TRIO: variants seen among roughly 807,000 people sequenced by gnomAD.
TRIO encodes the protein trio Rho guanine nucleotide exchange factor, also known as triple functional domain protein.
TRIO carries 58 observed loss-of-function variants against 351.9 expected under a neutral mutation model. That is an observed-to-expected ratio of 0.16 (90% confidence interval 0.13 to 0.21). TRIO has a LOEUF of 0.21. Ranked by LOEUF, TRIO falls within the 10% of genes least tolerant of loss-of-function variation. The pLI, the probability that TRIO is intolerant of heterozygous loss-of-function variation, is 1.00. For synonymous variants in TRIO, 1,758 were observed against 1,595.7 expected, an observed-to-expected ratio of 1.10 and a Z score of -2.42; for missense variants, 3,201 against 4,027.8, an observed-to-expected ratio of 0.79 and a Z score of 5.56.
intron 1 of TRIO, among the ~76,000 whole-genome samples, chr5:14,154,453 C>A (rs1787993599): frequency 6.6e-6 from 1 of 152,056 alleles, no homozygotes. Flanking sequence ...TGTAGCCACT[C>A]ATTTTTTTGC....
At chr5:14,457,260 A>G (rs1438071866) in intron 34 of TRIO, among the ~76,000 whole-genome samples, 2 of 152,036 alleles carry the variant, frequency 1.3e-5, no homozygotes, top group African/African-American at 2.4e-5. Context: ...CCGTCATTCA[A>G]TAAGTAGGAA....
intron 9 of TRIO, among the ~76,000 whole-genome samples, chr5:14,327,967 G>A (rs16903399): frequency 0.029 from 4,420 of 152,304 alleles, 230 homozygotes; most frequent in African/African-American, 0.1. Flanking sequence ...TCGAAATCAG[G>A]TGGTGAATGT....
Position 14,143,551 on chromosome 5 carries a change from C to A in TRIO, c.-175C>A, listed in dbSNP as rs1379920334. ...GGCGGAGTCCTCGTCTATGTGGGCGCGCTCCTTGGGCCGAGCCGCCGCCGC... is the reference window on the plus strand; with the variant it reads ...GGCGGAGTCCTCGTCTATGTGGGCGAGCTCCTTGGGCCGAGCCGCCGCCGC... On this transcript the variant is annotated 5_prime_UTR_variant, in exon 1 of 57. Coordinates refer to ENST00000344204, the MANE Select transcript of TRIO (RefSeq NM_007118.4). Among the ~76,000 whole-genome samples, 1 of 146,950 alleles carries A rather than the reference C, an allele frequency of 6.8e-6. No individual in the cohort carries two copies. Among genetic ancestry groups the A allele is most frequent in the Non-Finnish European group, 1.5e-5 (1 of 66,076 alleles).
chr5:14,381,019 G>A (rs1243732719), intron 20 of TRIO, 111 bp from the exon 21 acceptor site: 12 of 1,376,442 alleles, frequency 8.7e-6, no homozygotes, highest in South Asian at 1.9e-5. Context: ...AATGCTTCTC[G>A]ATGCTGCCAG....
chr5:14,423,924 A>ATTTT (rs577094390), intron 34 of TRIO, among the ~76,000 whole-genome samples: 40 of 118,152 alleles, frequency 3.4e-4, no homozygotes, highest in Admixed American at 9.4e-4. Context: ...ACCCCATGGA[A>ATTTT]TTTTTTTTTT....
intron 1 of TRIO, among the ~76,000 whole-genome samples, chr5:14,220,681 TAGCC>T (rs1221508757): frequency 6.6e-5 from 10 of 152,222 alleles, no homozygotes; most frequent in African/African-American, 2.4e-4. Context: ...ATAGAAGATC[TAGCC>T]AGCCACAGCA....
intron 34 of TRIO, among the ~76,000 whole-genome samples, chr5:14,425,014 C>A (rs574455919): frequency 6.6e-6 from 1 of 152,206 alleles, no homozygotes; most frequent in Non-Finnish European, 1.5e-5. Flanking sequence ...ACATGGCTAA[C>A]GCACGTGAGG....
rs550963563 is a variant in TRIO, at chr5:14,456,447, G to A, written c.5204-4572G>A. 2.6e-5 allele frequency among the ~76,000 whole-genome samples: 4 copies of A among 152,352 alleles called. No individual in the cohort carries two copies. The East Asian group carries it at 5.8e-4, about 22-fold the overall frequency. ...AATGTGATCATGAGCCGATTACACA[G>A]GGCTCTGACCACAGGGCTCGCCTTC... is the stretch of plus-strand genomic sequence containing the variant. On this transcript the variant is annotated intron_variant, in intron 34 of 56. Transcript: ENST00000344204.
At chr5:14,187,311 C>T (rs184181338) in intron 1 of TRIO, among the ~76,000 whole-genome samples, 17 of 152,284 alleles carry the variant, frequency 1.1e-4, no homozygotes, top group South Asian at 2.1e-4. Flanking sequence ...AGGATTTTTA[C>T]GGAAAAGCAG....
Position 14,260,511 on chromosome 5 carries a change from T to C in TRIO, c.158-10314T>C, listed in dbSNP as rs369753592. Among the ~76,000 whole-genome samples the C allele has an allele frequency of 5.9e-5, 9 of 152,370 alleles. No homozygotes were observed. The East Asian group carries it at 9.6e-4, about 16-fold the overall frequency. ...CGATTAAACACAATTCTAAGCTTTA[T>C]CAAGGGACTGACTGGCAGAAAGTTT... On this transcript the variant is annotated intron_variant, in intron 1 of 56. Transcript: ENST00000344204.
chr5:14,460,981 T>C (rs1250713128), intron 34 of TRIO, 38 bp from the exon 35 acceptor site: 8 of 1,503,244 alleles, frequency 5.3e-6, no homozygotes, highest in Non-Finnish European at 7.1e-6. Context: ...GGAGGGTCTG[T>C]GCGAGTCAGT....
intron 34 of TRIO, among the ~76,000 whole-genome samples, chr5:14,453,685 C>G (rs1468929138): frequency 5.9e-5 from 9 of 152,196 alleles, no homozygotes; most frequent in Admixed American, 3.3e-4. Flanking sequence ...TTTGACAAGT[C>G]CAGCATTCTT....
At position 14,508,308 on chromosome 5, in the gene TRIO, C is replaced by G. The variant is rs749515727; in HGVS notation, c.9180C>G (p.Val3060=). The G allele has an allele frequency of 1.9e-6, 3 of 1,613,838 alleles. No homozygotes were observed. The Admixed American group carries it at 5.0e-5, about 27-fold the overall frequency. ...CCGGCAACGGCAGAAGCACGGGCGT[C>G]CTCGACACGTCCAGACTGACTTCCT... ...LQAGNGRSTG[V]LDTSRLTSFI... Residue 3060 remains valine (V), a synonymous_variant, in exon 57 of 57, where the codon GTC becomes GTG. Coordinates refer to ENST00000344204, the MANE Select transcript of TRIO (RefSeq NM_007118.4).
In TRIO at chr5:14,177,698, C is replaced by G. The variant is rs563021722; in HGVS notation, c.157+33816C>G. ...GGAGAGGAAGAACCACTCCTCCTGT[C>G]TCCTGCCCAGAGGTCTCCCACTTCT... On this transcript the variant is annotated intron_variant, in intron 1 of 56. Transcript: ENST00000344204. Among the ~76,000 whole-genome samples, 3 of 152,338 alleles carry G rather than the reference C, an allele frequency of 2.0e-5. No homozygotes were observed. The South Asian group carries it at 6.2e-4, about 32-fold the overall frequency.
At chr5:14,288,237 C>T (rs772215519) in intron 4 of TRIO, among the ~76,000 whole-genome samples, 31 of 152,174 alleles carry the variant, frequency 2.0e-4, no homozygotes, top group Non-Finnish European at 4.1e-4. Flanking sequence ...TCTGGCAATA[C>T]AATTCATACA....
At chr5:14,451,478 C>A (rs761940348) in intron 34 of TRIO, among the ~76,000 whole-genome samples, 1 of 152,180 alleles carries the variant, frequency 6.6e-6, no homozygotes, top group African/African-American at 2.4e-5. Flanking sequence ...TTTGATTATT[C>A]TTTTTAAGTA....
chr5:14,209,057 C>T (rs991432574), intron 1 of TRIO, among the ~76,000 whole-genome samples: 1 of 152,266 alleles, frequency 6.6e-6, no homozygotes, highest in African/African-American at 2.4e-5. Context: ...TTCGACAGGT[C>T]GCAGTTTGCC....
At chr5:14,317,807 A>G (rs1018250478) in intron 9 of TRIO, among the ~76,000 whole-genome samples, 1 of 152,026 alleles carries the variant, frequency 6.6e-6, no homozygotes, top group Non-Finnish European at 1.5e-5. Flanking sequence ...CCTGGCCAAC[A>G]TGGTGAAACC....
At chr5:14,307,390 T>G (rs975314320) in intron 8 of TRIO, among the ~76,000 whole-genome samples, 1 of 152,220 alleles carries the variant, frequency 6.6e-6, no homozygotes, top group Non-Finnish European at 1.5e-5. Context: ...CAGTCTCCTT[T>G]AAAATGGAAC....
Sources: allele counts gnomAD v4.1 joint callset (sites outside exome capture counted in the v4.1 genomes callset), GRCh38; gene constraint gnomAD v4.1.1; transcripts MANE v1.5; gene names NCBI Gene and HGNC (gene_info 2026-07-23, HGNC 2026-07-21).